The following FAM135A variants were observed in gnomAD, a reference collection of about 807,000 sequenced individuals.
The protein encoded by FAM135A is protein FAM135A.
Under a neutral mutation model 146.8 loss-of-function variants are expected in FAM135A, and 79 were observed. The ratio of observed to expected loss-of-function variants is 0.54; its 90% CI spans 0.45 to 0.65. The LOEUF (loss-of-function observed/expected upper bound fraction) is 0.65. Among genes scored for constraint, FAM135A ranks in the 30% least tolerant of loss-of-function variants. FAM135A has a pLI of 0.00. For synonymous variants in FAM135A, 562 were observed against 603.6 expected (o/e 0.93, Z 1.01); for missense variants, 1,623 against 1,758.2 (o/e 0.92, Z 1.38).
chr6:70,459,244 G>A (rs905450155), intron 5 of FAM135A, among the ~76,000 whole-genome samples: 6 of 151,762 alleles, frequency 4.0e-5, no homozygotes, highest in South Asian at 4.2e-4. Flanking sequence ...ACCATAATTC[G>A]TATACCTTCT....
chr6:70,449,708 A>G (rs1157489087), intron 4 of FAM135A, among the ~76,000 whole-genome samples: 1 of 152,190 alleles, frequency 6.6e-6, no homozygotes, highest in Non-Finnish European at 1.5e-5. Context: ...ATTGTCAATA[A>G]TGCTGCAGTG....
intron 20 of FAM135A, among the ~76,000 whole-genome samples, chr6:70,552,092 G>T (rs547068850): frequency 5.1e-4 from 78 of 152,234 alleles, no homozygotes; most frequent in African/African-American, 1.8e-3. Flanking sequence ...GTATAAAACT[G>T]ATTGCTTTAA....
intron 15 of FAM135A, 128 bp from the exon 16 acceptor site, chr6:70,528,164 C>A: frequency 1.4e-6 from 1 of 713,466 alleles, no homozygotes; most frequent in Admixed American, 3.5e-5. Context: ...TTAGGTGATG[C>A]CACATATTTT....
intron 13 of FAM135A, 87 bp downstream of exon 13, chr6:70,522,673 C>A: frequency 1.0e-6 from 1 of 970,024 alleles, no homozygotes; most frequent in Non-Finnish European, 1.6e-6. Context: ...ACAGAATATA[C>A]AGTATTAACA....
intron 4 of FAM135A, among the ~76,000 whole-genome samples, chr6:70,434,273 G>T (rs1387956324): frequency 6.6e-6 from 1 of 152,180 alleles, no homozygotes; most frequent in Non-Finnish European, 1.5e-5. Context: ...AAGGATAAGA[G>T]GATGGAATTA....
chr6:70,457,740 C>G (rs1307899999), intron 5 of FAM135A, among the ~76,000 whole-genome samples: 1 of 152,136 alleles, frequency 6.6e-6, no homozygotes, highest in Non-Finnish European at 1.5e-5. Context: ...AATTCAATCT[C>G]TAGGTCATTG....
Position 70,524,434 on chromosome 6 carries a change from A to T in FAM135A, c.1350A>T (p.Ala450=), listed in dbSNP as rs1399096013. ...ATGAGACTGAAGAAAGCTCTGTAGC[A>T]GGACTTTCTAGCCCAGAGTTGAAAG... ...DKYETEESSV[A]GLSSPELKVR... The change falls in exon 15 of 22, where the codon GCA becomes GCT. Residue 450 remains alanine, a synonymous_variant. Coordinates refer to ENST00000418814, the MANE Select transcript of FAM135A (RefSeq NM_001162529.3). 1 of 1,545,774 alleles carries T rather than the reference A, an allele frequency of 6.5e-7. No homozygotes were observed.
At chr6:70,509,312 C>A (rs779270017) in intron 12 of FAM135A, among the ~76,000 whole-genome samples, 8 of 152,074 alleles carry the variant, frequency 5.3e-5, no homozygotes, top group Admixed American at 4.6e-4. Flanking sequence ...TAAAATGGAA[C>A]TCTGCTTCTA....
chr6:70,470,107 T>G (rs929374004), intron 5 of FAM135A, among the ~76,000 whole-genome samples: 1 of 152,184 alleles, frequency 6.6e-6, no homozygotes, highest in Non-Finnish European at 1.5e-5. Context: ...AGATGAGGTT[T>G]GAGAGTTGAC....
chr6:70,522,696 A>G (rs1017373466), intron 13 of FAM135A, 110 bp downstream of exon 13: 2 of 810,520 alleles, frequency 2.5e-6, no homozygotes, highest in Non-Finnish European at 3.8e-6. Flanking sequence ...ATAAGAAATT[A>G]GGAGAATTTG....
intron 15 of FAM135A, among the ~76,000 whole-genome samples, chr6:70,527,211 C>T (rs943819597): frequency 6.6e-6 from 1 of 152,036 alleles, no homozygotes; most frequent in Non-Finnish European, 1.5e-5. Flanking sequence ...TCAGCTAAGT[C>T]ATTGGTTTCC....
intron 11 of FAM135A, among the ~76,000 whole-genome samples, chr6:70,495,306 T>G (rs1349690626): frequency 6.6e-6 from 1 of 152,216 alleles, no homozygotes; most frequent in Non-Finnish European, 1.5e-5. Context: ...GAAGGTTTTT[T>G]TCTTATCTGA....
At chr6:70,447,111 T>C (rs990913604) in intron 4 of FAM135A, among the ~76,000 whole-genome samples, 6 of 152,222 alleles carry the variant, frequency 3.9e-5, no homozygotes, top group African/African-American at 1.4e-4. Flanking sequence ...GGACAGTCAG[T>C]GCTGTAGAGA....
intron 12 of FAM135A, 171 bp downstream of exon 12, chr6:70,502,962 C>T: frequency 1.5e-6 from 1 of 646,252 alleles, no homozygotes; most frequent in South Asian, 3.0e-5. Flanking sequence ...TAGAACAATA[C>T]AGTTAAGCAT....
chr6:70,554,036 C>T (rs143992548), intron 20 of FAM135A, among the ~76,000 whole-genome samples: 12 of 152,040 alleles, frequency 7.9e-5, no homozygotes, highest in Admixed American at 7.9e-4. Context: ...AGGCATAGTG[C>T]GTATTAAAGT....
chr6:70,493,861 T>G (rs928954966), intron 11 of FAM135A, among the ~76,000 whole-genome samples: 3 of 152,060 alleles, frequency 2.0e-5, no homozygotes, highest in Non-Finnish European at 2.9e-5. Flanking sequence ...GAGACCAGTC[T>G]GGCCAACATG....
intron 4 of FAM135A, among the ~76,000 whole-genome samples, chr6:70,430,981 A>G (rs1236904442): frequency 6.6e-6 from 1 of 152,090 alleles, no homozygotes; most frequent in African/African-American, 2.4e-5. Flanking sequence ...TCTTAGATAC[A>G]TTTTCTGAAT....
chr6:70,413,854 G>A, intron 1 of FAM135A, 152 bp downstream of exon 1: 1 of 985,444 alleles, frequency 1.0e-6, no homozygotes, highest in South Asian at 4.7e-5. Context: ...CTGGCGGTCG[G>A]AGCCTGGCCC....
chr6:70,539,529 T>G (rs1454652259), intron 20 of FAM135A, among the ~76,000 whole-genome samples: 1 of 152,234 alleles, frequency 6.6e-6, no homozygotes, highest in Non-Finnish European at 1.5e-5. Context: ...CGTCGTTTAC[T>G]AAGTACCACC....
Sources: gnomAD v4.1 joint callset for allele counts (sites outside exome capture counted in the v4.1 genomes callset) on GRCh38, gnomAD v4.1.1 for gene constraint, MANE v1.5 for transcripts, NCBI Gene and HGNC (gene_info 2026-07-23, HGNC 2026-07-21) for gene names.